The following EPSTI1 variants were observed in gnomAD, a reference collection of about 807,000 sequenced individuals.
The protein encoded by EPSTI1 is epithelial-stromal interaction protein 1.
In EPSTI1, 66 loss-of-function variants were observed where a neutral mutation model predicts 49.9. The observed-to-expected ratio is 1.32, with a 90% CI of 1.08 to 1.62. EPSTI1 has a LOEUF of 1.62. Ranked by LOEUF, EPSTI1 falls within the 40% of genes most tolerant of loss-of-function variation. EPSTI1 has a pLI of 0.00. For synonymous variants in EPSTI1, 137 were observed against 130.7 expected, an observed-to-expected ratio of 1.05 and a Z score of -0.33; for missense variants, 394 against 365.5, an observed-to-expected ratio of 1.08 and a Z score of -0.64.
chr13:42,927,068 C>G (rs9533306), intron 6 of EPSTI1, among the ~76,000 whole-genome samples: 121,868 of 151,704 alleles, frequency 0.8, 49,042 homozygotes, highest in Middle Eastern at 0.84. Context: ...ATAAACCCTC[C>G]ATAGGGTTTA....
chr13:42,896,022 T>C (rs754739696), intron 9 of EPSTI1, among the ~76,000 whole-genome samples: 108 of 152,208 alleles, frequency 7.1e-4, no homozygotes, highest in Middle Eastern at 3.4e-3. Context: ...CCAGTGACTG[T>C]GGGAGATTAG....
At chr13:42,955,880 G>GA (rs1555266332) in intron 5 of EPSTI1, among the ~76,000 whole-genome samples, 1 of 135,908 alleles carries the variant, frequency 7.4e-6, no homozygotes, top group Non-Finnish European at 1.6e-5. Flanking sequence ...AAGTATTTGG[G>GA]GGGGGGGGGA....
intron 10 of EPSTI1, among the ~76,000 whole-genome samples, chr13:42,888,882 C>T (rs562462192): frequency 1.3e-4 from 20 of 152,260 alleles, no homozygotes; most frequent in East Asian, 7.7e-4. Context: ...AGTAGGGTTA[C>T]GCTGTATTAT....
chr13:42,960,983 A>G (rs1464207343), intron 5 of EPSTI1, among the ~76,000 whole-genome samples: 1 of 152,200 alleles, frequency 6.6e-6, no homozygotes, highest in Non-Finnish European at 1.5e-5. Flanking sequence ...CATGTAAGGA[A>G]ACATGTTCCT....
chr13:42,979,563 C>T (rs1269477520), intron 1 of EPSTI1, among the ~76,000 whole-genome samples: 2 of 128,500 alleles, frequency 1.6e-5, no homozygotes, highest in African/African-American at 3.1e-5. Context: ...CCAGCCTGGG[C>T]GACAGAGGGA....
Position 42,899,088 on chromosome 13 carries a change from C to T in EPSTI1, c.815+1222G>A, listed in dbSNP as rs541201532. ...TGGCACGTGCCTGTAATCCCAACTA[C>T]TCAGGAGGCTGAGGCAGGAGAGTCA... On this transcript the variant is annotated intron_variant, in intron 9 of 10. Coordinates refer to ENST00000313624, the MANE Select transcript of EPSTI1 (RefSeq NM_033255.5). 2.6e-5 allele frequency among the ~76,000 whole-genome samples: 4 copies of T among 151,788 alleles called. No individual in the cohort carries two copies. In the South Asian group the frequency reaches 8.3e-4, roughly 32 times the overall value.
intron 8 of EPSTI1, among the ~76,000 whole-genome samples, chr13:42,902,202 T>C (rs879283232): frequency 4.6e-5 from 7 of 152,000 alleles, no homozygotes; most frequent in East Asian, 1.9e-4. Flanking sequence ...CTTCCTCTCA[T>C]AGTACAGCCC....
intron 6 of EPSTI1, among the ~76,000 whole-genome samples, chr13:42,927,727 T>C (rs985773967): frequency 1.4e-4 from 21 of 152,176 alleles, no homozygotes; most frequent in South Asian, 2.1e-4. Flanking sequence ...CTGAGAAACA[T>C]TCAGCAGTTG....
chr13:42,957,669 A>G (rs1296013068), intron 5 of EPSTI1, among the ~76,000 whole-genome samples: 1 of 152,172 alleles, frequency 6.6e-6, no homozygotes, highest in East Asian at 1.9e-4. Flanking sequence ...TCTGCCTCCC[A>G]GGTTCAAGTG....
rs1394138688 is a variant in EPSTI1 at position 42,966,698 on chromosome 13, G to T, written c.331+2396C>A. 2.4e-5 allele frequency among the ~76,000 whole-genome samples: 2 copies of T among 83,836 alleles called. 1 individual carries two copies. The highest frequency in any genetic ancestry group is 5.4e-5 in the Non-Finnish European group (2 of 37,124). The allele number at this position is 83,836 out of a possible 152,430, so 55.0% of individuals were successfully genotyped here. ...CCCCGGCCGGGAGGGAGGTGGGGGGGTCAGCCCCCCGCCCGGCCAGCCGCC... is the reference window on the plus strand; with the variant it reads ...CCCCGGCCGGGAGGGAGGTGGGGGGTTCAGCCCCCCGCCCGGCCAGCCGCC... On this transcript the variant is annotated intron_variant, in intron 3 of 10. Coordinates refer to ENST00000313624, the MANE Select transcript of EPSTI1 (RefSeq NM_033255.5).
At chr13:42,966,664 C>G (rs1446104150) in intron 3 of EPSTI1, among the ~76,000 whole-genome samples, 1 of 78,134 alleles carries the variant, frequency 1.3e-5, no homozygotes, top group Non-Finnish European at 2.8e-5. Flanking sequence ...CGTCTCCGCC[C>G]GGCAGCCACC....
chr13:42,912,838 A>C (rs1277792690), intron 8 of EPSTI1, among the ~76,000 whole-genome samples: 1 of 152,122 alleles, frequency 6.6e-6, no homozygotes, highest in Non-Finnish European at 1.5e-5. Context: ...AAAAAAGGCC[A>C]AAGGGATAAG....
intron 2 of EPSTI1, 179 bp from the exon 3 acceptor site, chr13:42,969,356 C>T (rs2039709521): frequency 3.2e-6 from 2 of 627,350 alleles, no homozygotes; most frequent in African/African-American, 1.8e-5. Context: ...CATCCTGGGC[C>T]CGGCCCTGTG....
intron 8 of EPSTI1, among the ~76,000 whole-genome samples, chr13:42,900,623 T>C (rs1171410871): frequency 6.6e-6 from 1 of 151,660 alleles, no homozygotes; most frequent in Non-Finnish European, 1.5e-5. Flanking sequence ...CCAGTGTGCA[T>C]GGTCAAGATA....
intron 7 of EPSTI1, among the ~76,000 whole-genome samples, chr13:42,920,376 A>G (rs2037957521): frequency 6.6e-6 from 1 of 152,208 alleles, no homozygotes; most frequent in African/African-American, 2.4e-5. Context: ...ACAGAGGGAA[A>G]TCTATGAAGA....
chr13:42,992,068 T>G lies in EPSTI1; in HGVS notation c.98A>C (p.Glu33Ala), dbSNP rs764255829. 10 of 1,613,230 alleles carry G rather than the reference T, an allele frequency of 6.2e-6. No homozygotes were observed. In the Admixed American group the frequency reaches 1.7e-4, roughly 27 times the overall value. Residue 33 changes from glutamate (E) to alanine (A), a missense_variant, in exon 1 of 11, where the codon GAG (glutamate) becomes GCG (alanine). Physicochemically the swap from Glu to Ala is moderately radical, Grantham distance 107 (BLOSUM62 -1). Coordinates refer to ENST00000313624, the MANE Select transcript of EPSTI1 (RefSeq NM_033255.5). ...DPQDPSGRQGELSPVEDQREG... is the reference protein window; with the variant it reads ...DPQDPSGRQGALSPVEDQREG... ...TCTCTGGTCTTCCACGGGGCTCAGC[T>G]CCCCTTGCCGCCCAGAAGGGTCCTG...
chr13:42,975,055 T>C (rs1245865486), intron 1 of EPSTI1, among the ~76,000 whole-genome samples: 1 of 151,576 alleles, frequency 6.6e-6, no homozygotes, highest in Non-Finnish European at 1.5e-5. Flanking sequence ...ATATATAAAT[T>C]GAAAAAAAAA....
At chr13:42,987,639 G>A (rs536374042) in intron 1 of EPSTI1, among the ~76,000 whole-genome samples, 23 of 152,128 alleles carry the variant, frequency 1.5e-4, no homozygotes, top group African/African-American at 4.3e-4. Context: ...GGGCCAAGAC[G>A]ATTCTTCTTC....
rs137914956 is a variant in EPSTI1 at position 42,927,358 on chromosome 13, A to C, written c.564-929T>G. Reference sequence around the variant, plus strand: ...TTCTCATGTAATTTGTGTGATTTTTATCTCTTCATTGCACATTCACAGCCA... The same window carrying C: ...TTCTCATGTAATTTGTGTGATTTTTCTCTCTTCATTGCACATTCACAGCCA... On this transcript the variant is annotated intron_variant, in intron 6 of 10. Coordinates refer to ENST00000313624, the MANE Select transcript of EPSTI1 (RefSeq NM_033255.5). 5.7e-3 allele frequency among the ~76,000 whole-genome samples: 865 copies of C among 152,074 alleles called. 37 individuals are homozygous for C. The highest frequency in any genetic ancestry group is 0.051 in the Admixed American group (785 of 15,260).
Sources: allele counts gnomAD v4.1 joint callset (sites outside exome capture counted in the v4.1 genomes callset), GRCh38; gene constraint gnomAD v4.1.1; transcripts MANE v1.5; gene names NCBI Gene and HGNC (gene_info 2026-07-23, HGNC 2026-07-21).